The following IL19 variants were observed in gnomAD, a reference collection of about 807,000 sequenced individuals.
The protein encoded by IL19 is interleukin 19.
A neutral mutation model predicts 19.5 loss-of-function variants in IL19; 15 were observed. The ratio of observed to expected loss-of-function variants is 0.77; its 90% CI spans 0.52 to 1.19. IL19 has a LOEUF of 1.19. Among genes scored for constraint, IL19 ranks in the 50% most tolerant of loss-of-function variants. The pLI is 0.00. For missense variants in IL19, 199 were observed against 213.1 expected, an observed-to-expected ratio of 0.93 and a Z score of 0.41; for synonymous variants, 78 against 78.3, an observed-to-expected ratio of 1.00 and a Z score of 0.02.
intron 2 of IL19, among the ~76,000 whole-genome samples, chr1:206,804,628 T>A (rs188714829): frequency 6.6e-6 from 1 of 152,334 alleles, no homozygotes; most frequent in Non-Finnish European, 1.5e-5. Context: ...ATTTGGGGTT[T>A]AAAAGTGTTT....
At chr1:206,785,133 C>A (rs1675240518) in intron 1 of IL19, among the ~76,000 whole-genome samples, 1 of 152,134 alleles carries the variant, frequency 6.6e-6, no homozygotes, top group Non-Finnish European at 1.5e-5. Flanking sequence ...GATATCTGAC[C>A]CCTGTGAAAA....
At chr1:206,794,970 C>T (rs1314620360) in intron 1 of IL19, among the ~76,000 whole-genome samples, 2 of 152,102 alleles carry the variant, frequency 1.3e-5, no homozygotes, top group Admixed American at 6.5e-5. Context: ...ATGTGGGGTC[C>T]CAAAACTGCT....
At chr1:206,832,742 G>A (rs910120252) in intron 2 of IL19, among the ~76,000 whole-genome samples, 4 of 152,158 alleles carry the variant, frequency 2.6e-5, no homozygotes, top group African/African-American at 9.7e-5. Flanking sequence ...AGGGAGATAA[G>A]GAAGAAGAGA....
At chr1:206,792,731 G>A (rs1477554444) in intron 1 of IL19, among the ~76,000 whole-genome samples, 4 of 151,894 alleles carry the variant, frequency 2.6e-5, no homozygotes, top group Non-Finnish European at 5.9e-5. Context: ...CTGGGATTAC[G>A]GAAGTGAGCC....
rs1677060791 is a variant in IL19, at chr1:206,842,731, G to C, written c.*109G>C. ...GAGATGGGGAAGGCCCCTTGCAGCT[G>C]AAAGTCCCACTGGCTGGCCTCAGGC... On this transcript the variant is annotated 3_prime_UTR_variant, in exon 7 of 7. Coordinates refer to ENST00000659997, the MANE Select transcript of IL19 (RefSeq NM_153758.5). The C allele has an allele frequency of 1.5e-6, 1 of 649,712 alleles. No homozygotes were observed. The highest frequency in any genetic ancestry group is 2.8e-5 in the East Asian group (1 of 35,276). 40.2% of individuals were successfully genotyped at this position (649,712 alleles called of 1,614,324 possible). A position where few individuals can be genotyped will look rare whatever the true frequency, so the allele number is the denominator to read the frequency against.
chr1:206,783,388 C>T (rs928324705), intron 1 of IL19, among the ~76,000 whole-genome samples: 19 of 152,270 alleles, frequency 1.2e-4, no homozygotes, highest in Middle Eastern at 3.4e-3. Flanking sequence ...ACAAGGAATA[C>T]TTTCTAAACA....
At chr1:206,807,631 T>G (rs1188759892) in intron 2 of IL19, among the ~76,000 whole-genome samples, 1 of 152,236 alleles carries the variant, frequency 6.6e-6, no homozygotes, top group Admixed American at 6.5e-5. Context: ...GGCACCCTTA[T>G]TTCAGACCAC....
At chr1:206,798,224 C>T (rs144088171) in intron 1 of IL19, among the ~76,000 whole-genome samples, 1 of 152,286 alleles carries the variant, frequency 6.6e-6, no homozygotes, top group Non-Finnish European at 1.5e-5. Context: ...GATCATAGTG[C>T]ACTGCAGCTG....
intron 1 of IL19, among the ~76,000 whole-genome samples, chr1:206,785,355 G>A (rs1015365905): frequency 2.0e-5 from 3 of 152,164 alleles, no homozygotes; most frequent in Admixed American, 1.3e-4. Context: ...TTCCTTAACC[G>A]TGCTTGTGAG....
intron 1 of IL19, among the ~76,000 whole-genome samples, chr1:206,785,153 A>G (rs1368137730): frequency 1.3e-5 from 2 of 152,184 alleles, no homozygotes; most frequent in Non-Finnish European, 2.9e-5. Context: ...ACCACTGTGG[A>G]TGAATACTCG....
At position 206,776,909 on chromosome 1, in the gene IL19, C is replaced by CAAAAA. The variant is rs1186364224; in HGVS notation, c.-149+5853_-149+5857dup. On this transcript the variant is annotated intron_variant, in intron 1 of 6. Coordinates refer to ENST00000659997, the MANE Select transcript of IL19 (RefSeq NM_153758.5). ...TTCACTGTATTAAATCTTGCAACTA[C>CAAAAA]AAAAAAAAAAAAAAAAAAAAAAAAA... Among the ~76,000 whole-genome samples, 9 of 50,472 alleles carry CAAAAA rather than the reference C, an allele frequency of 1.8e-4. 2 individuals carry two copies. The highest frequency in any genetic ancestry group is 8.2e-4 in the East Asian group (1 of 1,226). The allele number at this position is 50,472 out of a possible 152,430, so 33.1% of individuals were successfully genotyped here.
intron 2 of IL19, among the ~76,000 whole-genome samples, chr1:206,814,815 A>G (rs879251665): frequency 2.8e-4 from 42 of 152,138 alleles, no homozygotes; most frequent in African/African-American, 9.7e-4. Context: ...GTGTCAATGC[A>G]GAAGAAAAAG....
chr1:206,825,448 T>G (rs1364563727), intron 2 of IL19, among the ~76,000 whole-genome samples: 3 of 152,330 alleles, frequency 2.0e-5, no homozygotes, highest in Admixed American at 2.0e-4. Context: ...AAGATCAAAA[T>G]TTTTCCTTCT....
At chr1:206,775,208 G>T (rs6693899) in intron 1 of IL19, among the ~76,000 whole-genome samples, 50,719 of 151,454 alleles carry the variant, frequency 0.33, 8,956 homozygotes, top group African/African-American at 0.37. Flanking sequence ...GCCCGGCTAA[G>T]TTTTTTTATT....
chr1:206,798,021 G>A (rs1675567366), intron 1 of IL19, among the ~76,000 whole-genome samples: 1 of 152,206 alleles, frequency 6.6e-6, no homozygotes, highest in South Asian at 2.1e-4. Flanking sequence ...TTCTCAGAGA[G>A]CCCAGCACCT....
At chr1:206,833,995 G>A (rs1183670873) in intron 2 of IL19, 15 of 985,410 alleles carry the variant, frequency 1.5e-5, no homozygotes, top group Non-Finnish European at 1.8e-5. Context: ...CTGATTGAGA[G>A]TGCTTTTGTG....
chr1:206,829,623 G>T (rs575668615), intron 2 of IL19, among the ~76,000 whole-genome samples: 6 of 152,138 alleles, frequency 3.9e-5, no homozygotes, highest in Non-Finnish European at 7.4e-5. Context: ...GCCCCAGGGC[G>T]TTATGCTGGG....
intron 1 of IL19, among the ~76,000 whole-genome samples, chr1:206,777,739 G>A (rs979461453): frequency 2.0e-5 from 3 of 152,254 alleles, no homozygotes; most frequent in African/African-American, 7.2e-5. Flanking sequence ...GCCCCTCCGG[G>A]CTTGACTCCT....
intron 6 of IL19, among the ~76,000 whole-genome samples, chr1:206,842,254 AAC>A: frequency 6.6e-6 from 1 of 152,136 alleles, no homozygotes; most frequent in East Asian, 1.9e-4. Flanking sequence ...TCCTGTGAAA[AAC>A]AGAGGAAAAA....
Sources: allele counts gnomAD v4.1 joint callset (sites outside exome capture counted in the v4.1 genomes callset), GRCh38; gene constraint gnomAD v4.1.1; transcripts MANE v1.5; gene names NCBI Gene and HGNC (gene_info 2026-07-23, HGNC 2026-07-21).